Variants in PNPLA7 observed in about 807,000 individuals in gnomAD.
PNPLA7 encodes patatin-like phospholipase domain-containing protein 7.
Under a neutral mutation model 161.7 loss-of-function variants are expected in PNPLA7, and 153 were observed. The ratio of observed to expected loss-of-function variants is 0.95; its 90% CI spans 0.83 to 1.08. The LOEUF is 1.08. Ranked by LOEUF, PNPLA7 falls within the 50% of genes least tolerant of loss-of-function variation. The probability of loss-of-function intolerance (pLI) is 0.00; values close to 1 mark genes in which losing one functional copy is unlikely to be tolerated. For synonymous variants in PNPLA7, 809 were observed against 782.1 expected, an observed-to-expected ratio of 1.03 and a Z score of -0.57; for missense variants, 1,739 against 1,856.6, an observed-to-expected ratio of 0.94 and a Z score of 1.16.
At chr9:137,513,299 T>G (rs13440001) in intron 12 of PNPLA7, among the ~76,000 whole-genome samples, 4,730 of 152,154 alleles carry the variant, frequency 0.031, 231 homozygotes, top group African/African-American at 0.11. Flanking sequence ...GAGACCAGCC[T>G]GGCCAACATG....
chr9:137,519,801 G>T, intron 11 of PNPLA7, 116 bp downstream of exon 11: 1 of 1,365,732 alleles, frequency 7.3e-7, no homozygotes, highest in Non-Finnish European at 9.8e-7. Context: ...GTGACCCGGG[G>T]ATGTGTGTGG....
intron 29 of PNPLA7, 38 bp from the exon 30 acceptor site, chr9:137,462,871 C>G (rs1831285706): frequency 6.2e-7 from 1 of 1,607,674 alleles, no homozygotes; most frequent in Admixed American, 1.7e-5. Flanking sequence ...CCTGGACAGG[C>G]ATGCAGAGCC....
chr9:137,464,607 G>A, intron 26 of PNPLA7, 151 bp from the exon 27 acceptor site: 1 of 722,222 alleles, frequency 1.4e-6, no homozygotes, highest in Admixed American at 2.2e-5. Context: ...TGGCGCCCTG[G>A]CTGGAGCCTC....
At chr9:137,529,674 T>C (rs1222149267) in intron 8 of PNPLA7, among the ~76,000 whole-genome samples, 1 of 150,840 alleles carries the variant, frequency 6.6e-6, no homozygotes, top group Non-Finnish European at 1.5e-5. Flanking sequence ...TTTTTTTTTT[T>C]TGAGACGGAG....
rs764565077 is a variant in PNPLA7, at chr9:137,523,030, G to A, written c.748-173C>T. Among the ~76,000 whole-genome samples the A allele has an allele frequency of 2.0e-5, 3 of 152,178 alleles. No homozygotes were observed. The highest frequency in any genetic ancestry group is 2.9e-5 in the Non-Finnish European group (2 of 68,036). ...GCTGCTTTTGGCACCAGCTGCACACGTTTTTTGACTGTCCAAGACATGTGC... is the reference window on the plus strand; with the variant it reads ...GCTGCTTTTGGCACCAGCTGCACACATTTTTTGACTGTCCAAGACATGTGC... On this transcript the variant is annotated intron_variant, in intron 8 of 34. Transcript: ENST00000406427. The surrounding 1 kb of genome is among the most constrained non-coding windows in gnomAD (Gnocchi z 4.4).
chr9:137,492,179 G>A (rs1024450365), intron 20 of PNPLA7: 1 of 985,172 alleles, frequency 1.0e-6, no homozygotes, highest in African/African-American at 1.7e-5. Context: ...AACTAGGAAA[G>A]AATGAATATG....
chr9:137,516,603 G>T, intron 11 of PNPLA7: 1 of 782,642 alleles, frequency 1.3e-6, no homozygotes, highest in Non-Finnish European at 1.6e-6. Context: ...GAGACCAGGA[G>T]TTCAAGACCA....
At chr9:137,549,494 T>G (rs1162893461) in intron 1 of PNPLA7, among the ~76,000 whole-genome samples, 1 of 138,112 alleles carries the variant, frequency 7.2e-6, no homozygotes, top group East Asian at 2.1e-4. Flanking sequence ...GGCGTGAACC[T>G]GGGAGGCAGA....
intron 12 of PNPLA7, among the ~76,000 whole-genome samples, chr9:137,511,636 T>G (rs967890081): frequency 2.6e-5 from 4 of 152,208 alleles, no homozygotes; most frequent in Non-Finnish European, 4.4e-5. Context: ...GCTCCACCAG[T>G]TCTTGTGGGG....
chr9:137,477,615 T>G (rs900655107), intron 25 of PNPLA7, among the ~76,000 whole-genome samples: 5 of 152,198 alleles, frequency 3.3e-5, no homozygotes, highest in African/African-American at 9.7e-5. Context: ...CGCCTAATTT[T>G]TCTATTTTTA....
rs868452149 is a variant in PNPLA7, at chr9:137,524,152, T to C, written c.748-1295A>G. ...GTCTTGGCAATGCTCCCCCGTCTTC[T>C]GTCCCAGTGGTTGTGCCTTTGTCAA... is the stretch of plus-strand genomic sequence containing the variant. On this transcript the variant is annotated intron_variant, in intron 8 of 34. Transcript: ENST00000406427. This position sits in a 1 kb window ranked among gnomAD's most constrained non-coding sequence, Gnocchi z 4.4. Among the ~76,000 whole-genome samples the C allele has an allele frequency of 3.7e-4, 57 of 152,370 alleles. No homozygotes were observed. Among genetic ancestry groups the C allele is most frequent in the African/African-American group, 1.3e-3 (56 of 41,596 alleles).
chr9:137,494,587 ACCCTCACCTGCGCCCTG>A (rs1832939127), intron 19 of PNPLA7, among the ~76,000 whole-genome samples: 1 of 137,030 alleles, frequency 7.3e-6, no homozygotes, highest in African/African-American at 2.8e-5. Context: ...CCTGCTCCGC[ACCCTCACCTGCGCCCTG>A]CCCTCACCTG....
intron 8 of PNPLA7, among the ~76,000 whole-genome samples, chr9:137,531,014 G>C (rs747943773): frequency 1.3e-5 from 2 of 152,108 alleles, no homozygotes; most frequent in Admixed American, 1.3e-4. Context: ...CATGCTAATC[G>C]ATCTCTGAGA....
At chr9:137,461,803 CTT>C in intron 32 of PNPLA7, 126 bp downstream of exon 32, 1 of 1,234,066 alleles carries the variant, frequency 8.1e-7, no homozygotes, top group Non-Finnish European at 1.1e-6. Context: ...GCCCTGGAGT[CTT>C]TGGCCAGGGG....
At chr9:137,516,320 G>A (rs1228664293) in intron 11 of PNPLA7, 1 of 984,180 alleles carries the variant, frequency 1.0e-6, no homozygotes. Flanking sequence ...AAACGAGGAA[G>A]GAGCCTGGCC....
At chr9:137,509,675 A>G (rs1298809606) in intron 12 of PNPLA7, 1 of 443,110 alleles carries the variant, frequency 2.3e-6, no homozygotes, top group African/African-American at 2.0e-5. Context: ...AGGTGTCAAC[A>G]GTCACATGAG....
intron 8 of PNPLA7, among the ~76,000 whole-genome samples, chr9:137,530,962 G>C (rs934851726): frequency 6.6e-6 from 1 of 152,134 alleles, no homozygotes; most frequent in Non-Finnish European, 1.5e-5. Context: ...GGCCTGCTGC[G>C]GGCCCCGCAC....
intron 12 of PNPLA7, chr9:137,509,727 C>T (rs560008560): frequency 3.3e-5 from 15 of 456,146 alleles, no homozygotes; most frequent in African/African-American, 1.6e-4. Flanking sequence ...GGAGCAGCCA[C>T]AGCAGTCGGA....
intron 20 of PNPLA7, chr9:137,492,275 G>T: frequency 4.1e-6 from 4 of 984,976 alleles, no homozygotes; most frequent in Non-Finnish European, 4.8e-6. Context: ...AGCACTCTCC[G>T]CTCCACCAAT....
Sources: gnomAD v4.1 joint callset for allele counts (sites outside exome capture counted in the v4.1 genomes callset) on GRCh38, gnomAD v4.1.1 for gene constraint, Gnocchi (gnomAD v3.1) non-coding constraint, MANE v1.5 for transcripts, NCBI Gene and HGNC (gene_info 2026-07-23, HGNC 2026-07-21) for gene names.